FAM114A1: variants seen among roughly 807,000 people sequenced by gnomAD.
The protein encoded by FAM114A1 is family with sequence similarity 114 member A1.
Under a neutral mutation model 64.3 loss-of-function variants are expected in FAM114A1, and 62 were observed. The ratio of observed to expected loss-of-function variants is 0.96; its 90% CI spans 0.79 to 1.19. The LOEUF (loss-of-function observed/expected upper bound fraction) is 1.19, where lower values mean the gene tolerates loss of function less well. FAM114A1 is among the 50% of genes most tolerant of loss of function. The pLI is 0.00. For synonymous variants in FAM114A1, 254 were observed against 251.1 expected (o/e 1.01, Z -0.11); for missense variants, 645 against 676.3 (o/e 0.95, Z 0.51).
rs547214418 is a variant in FAM114A1, at chr4:38,886,117, G to A, written c.349-5626G>A. Reference sequence around the variant, plus strand: ...ACGATTTCATGAAGTAGTGGCACAGGAGTCTTGCTGTGGAGGGAGGATGGA... The same window carrying A: ...ACGATTTCATGAAGTAGTGGCACAGAAGTCTTGCTGTGGAGGGAGGATGGA... On this transcript the variant is annotated intron_variant, in intron 3 of 14. Coordinates refer to ENST00000358869, the MANE Select transcript of FAM114A1 (RefSeq NM_138389.4). 1.1e-4 allele frequency among the ~76,000 whole-genome samples: 17 copies of A among 151,868 alleles called. 1 individual carries two copies. The South Asian group carries it at 3.6e-3, about 32-fold the overall frequency.
At chr4:38,941,738 G>A (rs192668432) in intron 14 of FAM114A1, among the ~76,000 whole-genome samples, 82 of 152,326 alleles carry the variant, frequency 5.4e-4, no homozygotes, top group African/African-American at 1.8e-3. Context: ...AGTAACAGCC[G>A]CGGGGCACCC....
At chr4:38,928,527 G>A (rs1303035652) in intron 9 of FAM114A1, among the ~76,000 whole-genome samples, 1 of 151,486 alleles carries the variant, frequency 6.6e-6, no homozygotes, top group Admixed American at 6.6e-5. Flanking sequence ...TATATATTAG[G>A]CAATGTATTA....
At chr4:38,914,815 C>T in intron 7 of FAM114A1, 106 bp from the exon 8 acceptor site, 1 of 1,258,334 alleles carries the variant, frequency 7.9e-7, no homozygotes. Context: ...CCAGAATCTC[C>T]CCCTCTCCAA....
Position 38,927,464 on chromosome 4 carries a change from G to T in FAM114A1, c.1070-1778G>T, listed in dbSNP as rs192224186. On this transcript the variant is annotated intron_variant, in intron 9 of 14. Coordinates refer to ENST00000358869, the MANE Select transcript of FAM114A1 (RefSeq NM_138389.4). The stretch of plus-strand genomic sequence containing the variant: ...TTTTTAGGGCACTAATCCGGTTCAT[G>T]GGGGGCTCCCCACTTCATGATCTAA... Among the ~76,000 whole-genome samples, 616 of 152,100 alleles carry T rather than the reference G, an allele frequency of 4.0e-3. 5 individuals carry two copies. Among genetic ancestry groups the T allele is most frequent in the South Asian group, 0.033 (158 of 4,804 alleles).
intron 1 of FAM114A1, chr4:38,868,196 C>T (rs1171426760): frequency 1.0e-5 from 2 of 194,258 alleles, no homozygotes; most frequent in Non-Finnish European, 2.3e-5. Flanking sequence ...CCAGTCCTGG[C>T]ACCAAGCAAG....
At chr4:38,923,032 C>G (rs895600383) in intron 9 of FAM114A1, 139 bp downstream of exon 9, 45 of 1,007,390 alleles carry the variant, frequency 4.5e-5, no homozygotes, top group Non-Finnish European at 6.1e-5. Flanking sequence ...TGCATCTGCT[C>G]TTGTTACAGG....
rs568991470 is a variant in FAM114A1 at position 38,910,051 on chromosome 4, G to A, written c.792+1325G>A. On this transcript the variant is annotated intron_variant, in intron 7 of 14. Coordinates refer to ENST00000358869, the MANE Select transcript of FAM114A1 (RefSeq NM_138389.4). ...AGTTCGAGACCAGCCTGGCCAAGAT[G>A]GTGAAACCCTGTCTTTACTAAAAAT... Among the ~76,000 whole-genome samples the A allele has an allele frequency of 5.0e-4, 76 of 152,136 alleles. 1 individual carries two copies. The highest frequency in any genetic ancestry group is 1.8e-3 in the African/African-American group (74 of 41,518).
chr4:38,880,696 G>T (rs1715174500), intron 3 of FAM114A1, among the ~76,000 whole-genome samples: 1 of 152,180 alleles, frequency 6.6e-6, no homozygotes, highest in South Asian at 2.1e-4. Flanking sequence ...GGGAGCTATG[G>T]TTCCCAATTT....
chr4:38,900,606 A>C (rs1322603530), intron 4 of FAM114A1, among the ~76,000 whole-genome samples: 1 of 152,258 alleles, frequency 6.6e-6, no homozygotes, highest in Non-Finnish European at 1.5e-5. Context: ...AACATGGATG[A>C]ACCTTGAGGA....
At chr4:38,915,191 C>G (rs1718929064) in intron 8 of FAM114A1, 118 bp downstream of exon 8, 1 of 1,292,400 alleles carries the variant, frequency 7.7e-7, no homozygotes, top group African/African-American at 1.5e-5. Context: ...TATTATTGTG[C>G]TGAGGTCAGA....
At chr4:38,943,388 C>T in intron 14 of FAM114A1, 68 bp from the exon 15 acceptor site, 2 of 1,325,310 alleles carry the variant, frequency 1.5e-6, no homozygotes, top group East Asian at 2.3e-5. Flanking sequence ...GAACATTATC[C>T]AATTGGAAGT....
intron 3 of FAM114A1, among the ~76,000 whole-genome samples, chr4:38,879,152 G>T (rs970461392): frequency 6.6e-6 from 1 of 152,156 alleles, no homozygotes; most frequent in African/African-American, 2.4e-5. Context: ...GGCCGGGCAG[G>T]GGTGGGAGAC....
intron 10 of FAM114A1, 39 bp downstream of exon 10, chr4:38,929,372 A>T (rs779577673): frequency 4.0e-6 from 6 of 1,487,472 alleles, no homozygotes; most frequent in Non-Finnish European, 5.6e-6. Context: ...GTTAAAAAAA[A>T]ACAGTGCAGG....
At chr4:38,869,489 A>G (rs1007845628) in intron 2 of FAM114A1, among the ~76,000 whole-genome samples, 2 of 152,094 alleles carry the variant, frequency 1.3e-5, no homozygotes, top group Admixed American at 6.5e-5. Flanking sequence ...GTGGAGAGAG[A>G]TTGGAGCTGG....
At chr4:38,907,192 G>A (rs1387647319) in intron 6 of FAM114A1, among the ~76,000 whole-genome samples, 1 of 152,184 alleles carries the variant, frequency 6.6e-6, no homozygotes, top group East Asian at 1.9e-4. Context: ...GTAAGGAGGA[G>A]CAGCAAATCT....
At chr4:38,937,210 G>A (rs1373390312) in intron 13 of FAM114A1, among the ~76,000 whole-genome samples, 3 of 152,176 alleles carry the variant, frequency 2.0e-5, no homozygotes, top group Admixed American at 1.3e-4. Context: ...CTCTAACAAA[G>A]TACCATAAAC....
intron 2 of FAM114A1, among the ~76,000 whole-genome samples, chr4:38,876,201 G>C (rs182835475): frequency 8.5e-6 from 1 of 117,050 alleles, no homozygotes; most frequent in African/African-American, 3.4e-5. Flanking sequence ...AGACGGTCTC[G>C]CTTTGTCGCC....
chr4:38,895,318 G>A (rs1021450265), intron 4 of FAM114A1, among the ~76,000 whole-genome samples: 1 of 152,182 alleles, frequency 6.6e-6, no homozygotes, highest in East Asian at 1.9e-4. Context: ...AGCTCTTAGA[G>A]GCTGCCCTCA....
chr4:38,910,284 G>T (rs1718412966), intron 7 of FAM114A1, among the ~76,000 whole-genome samples: 1 of 152,002 alleles, frequency 6.6e-6, no homozygotes, highest in Non-Finnish European at 1.5e-5. Context: ...TATTAGTTAG[G>T]TAATTAGCAC....
Sources: allele counts gnomAD v4.1 joint callset (sites outside exome capture counted in the v4.1 genomes callset), GRCh38; gene constraint gnomAD v4.1.1; transcripts MANE v1.5; gene names NCBI Gene and HGNC (gene_info 2026-07-23, HGNC 2026-07-21).